The following AGBL4 variants were observed in gnomAD, a reference collection of about 807,000 sequenced individuals.
AGBL4 encodes AGBL carboxypeptidase 4.
A neutral mutation model predicts 66.4 loss-of-function variants in AGBL4; 58 were observed. That is an observed-to-expected ratio of 0.87 (90% CI 0.71 to 1.09). AGBL4 has a LOEUF of 1.09. Among genes scored for constraint, AGBL4 ranks in the 50% least tolerant of loss-of-function variants. The pLI is 0.00. For missense variants in AGBL4, 579 were observed against 631.0 expected (o/e 0.92, Z 0.88); for synonymous variants, 234 against 222.9 (o/e 1.05, Z -0.44).
At chr1:49,793,466 G>T (rs1028118642) in intron 2 of AGBL4, among the ~76,000 whole-genome samples, 7 of 151,904 alleles carry the variant, frequency 4.6e-5, no homozygotes, top group Admixed American at 4.6e-4. Context: ...TAATAGAACT[G>T]AAGAAAAGCA....
chr1:49,651,254 G>A (rs779957733), intron 3 of AGBL4, among the ~76,000 whole-genome samples: 26 of 152,112 alleles, frequency 1.7e-4, no homozygotes, highest in Non-Finnish European at 1.8e-4. Context: ...CCAGGACAAG[G>A]AACTGGTGCA....
intron 6 of AGBL4, among the ~76,000 whole-genome samples, chr1:48,757,523 G>T (rs1355948714): frequency 2.6e-5 from 4 of 152,138 alleles, no homozygotes; most frequent in Non-Finnish European, 5.9e-5. Flanking sequence ...AGTGACTAGA[G>T]TTGAGACAGA....
chr1:49,021,448 A>G (rs1245886509), intron 5 of AGBL4, among the ~76,000 whole-genome samples: 1 of 152,122 alleles, frequency 6.6e-6, no homozygotes, highest in Non-Finnish European at 1.5e-5. Context: ...GAGGTAATGA[A>G]ATCATAAGGG....
chr1:48,973,889 G>A (rs765961704), intron 5 of AGBL4, among the ~76,000 whole-genome samples: 1 of 152,114 alleles, frequency 6.6e-6, no homozygotes, highest in Non-Finnish European at 1.5e-5. Flanking sequence ...TAGTAGCGTT[G>A]GGGTTTTGTG....
At chr1:49,064,348 A>G (rs190289601) in intron 4 of AGBL4, among the ~76,000 whole-genome samples, 71 of 152,318 alleles carry the variant, frequency 4.7e-4, no homozygotes. Flanking sequence ...GTTCCTTGCC[A>G]AAGCACATGC....
intron 6 of AGBL4, chr1:48,742,508 T>G: frequency 9.0e-7 from 1 of 1,110,518 alleles, no homozygotes; most frequent in South Asian, 3.4e-5. Flanking sequence ...CATTCAGGGC[T>G]AGGCCAGGAG....
chr1:49,864,239 G>A (rs1646645856), intron 1 of AGBL4, among the ~76,000 whole-genome samples: 1 of 152,138 alleles, frequency 6.6e-6, no homozygotes, highest in Admixed American at 6.5e-5. Context: ...AAAGAGAGTA[G>A]AAGAATGGTT....
In AGBL4 at chr1:48,736,041, G is replaced by T. The variant is rs1648987589; in HGVS notation, c.635-72800C>A. On this transcript the variant is annotated intron_variant, in intron 6 of 13. Transcript: ENST00000371839. The surrounding 1 kb of genome is among the most constrained non-coding windows in gnomAD (Gnocchi z 4.0). Reference sequence around the variant, plus strand: ...TTCCTTGTGGAATATAATCGTACTTGTGTCCACAGCTCATCTGCCCTGGTA... The same window carrying T: ...TTCCTTGTGGAATATAATCGTACTTTTGTCCACAGCTCATCTGCCCTGGTA... 6.6e-6 allele frequency among the ~76,000 whole-genome samples: 1 copy of T among 152,180 alleles called. No individual in the cohort carries two copies. The highest frequency in any genetic ancestry group is 2.1e-4 in the South Asian group (1 of 4,824).
At chr1:49,684,873 T>A (rs183597937) in intron 3 of AGBL4, among the ~76,000 whole-genome samples, 2 of 152,292 alleles carry the variant, frequency 1.3e-5, no homozygotes, top group Admixed American at 1.3e-4. Flanking sequence ...CCCAGCCCAA[T>A]TAAAAGTGAT....
intron 1 of AGBL4, among the ~76,000 whole-genome samples, chr1:49,963,402 G>C (rs1436689606): frequency 1.3e-5 from 2 of 152,086 alleles, no homozygotes; most frequent in Non-Finnish European, 2.9e-5. Flanking sequence ...GGGAACACCA[G>C]AGAAGCAAAA....
chr1:49,512,272 C>T (rs1558009889), intron 3 of AGBL4, among the ~76,000 whole-genome samples: 2 of 152,064 alleles, frequency 1.3e-5, no homozygotes, highest in South Asian at 4.2e-4. Flanking sequence ...GGATTAAATC[C>T]TACCTGCAAT....
intron 6 of AGBL4, among the ~76,000 whole-genome samples, chr1:48,681,122 A>G (rs1646448365): frequency 6.6e-6 from 1 of 152,178 alleles, no homozygotes; most frequent in Non-Finnish European, 1.5e-5. Context: ...TAGAACACCA[A>G]TACTTTCCTT....
chr1:49,558,223 ACTC>A (rs1457223977), intron 3 of AGBL4, among the ~76,000 whole-genome samples: 2 of 151,114 alleles, frequency 1.3e-5, no homozygotes, highest in Non-Finnish European at 1.5e-5. Context: ...GTGGGGAAAA[ACTC>A]CTTCTTGAGA....
At chr1:48,545,314 A>G (rs1463101190) in intron 11 of AGBL4, among the ~76,000 whole-genome samples, 4 of 152,090 alleles carry the variant, frequency 2.6e-5, no homozygotes, top group African/African-American at 7.2e-5. Context: ...TTTCTGGGAC[A>G]ACTCTCTTTC....
intron 5 of AGBL4, among the ~76,000 whole-genome samples, chr1:48,909,853 A>G (rs1490830151): frequency 6.6e-6 from 1 of 152,208 alleles, no homozygotes; most frequent in African/African-American, 2.4e-5. Flanking sequence ...GCCTTGAAAT[A>G]TACTATATTT....
intron 5 of AGBL4, among the ~76,000 whole-genome samples, chr1:49,027,012 A>G (rs1663752534): frequency 6.6e-6 from 1 of 152,124 alleles, no homozygotes; most frequent in Admixed American, 6.6e-5. Flanking sequence ...TGTATTTGTA[A>G]TGAGGGCCCA....
intron 3 of AGBL4, among the ~76,000 whole-genome samples, chr1:49,292,095 G>A (rs1219534869): frequency 4.6e-5 from 7 of 152,220 alleles, no homozygotes; most frequent in Non-Finnish European, 7.3e-5. Context: ...CACCCACTCC[G>A]ATCTCAGAGT....
chr1:48,609,901 G>A (rs1427863041), intron 9 of AGBL4, among the ~76,000 whole-genome samples: 1 of 152,046 alleles, frequency 6.6e-6, no homozygotes, highest in African/African-American at 2.4e-5. Context: ...TCTGTCCTCC[G>A]AGGTCACCCT....
chr1:48,763,062 T>C (rs1204065890), intron 6 of AGBL4, among the ~76,000 whole-genome samples: 3 of 151,880 alleles, frequency 2.0e-5, no homozygotes, highest in East Asian at 1.9e-4. Context: ...CTGAATCATT[T>C]TCTTCTCTTA....
Sources: allele counts gnomAD v4.1 joint callset (sites outside exome capture counted in the v4.1 genomes callset), GRCh38; gene constraint gnomAD v4.1.1; non-coding constraint Gnocchi (gnomAD v3.1); transcripts MANE v1.5; gene names NCBI Gene and HGNC (gene_info 2026-07-23, HGNC 2026-07-21).